The following BAG6 variants were observed in gnomAD, a reference collection of about 807,000 sequenced individuals.
BAG6 encodes the protein large proline-rich protein BAG6.
BAG6 carries 22 observed loss-of-function variants against 121.0 expected under a neutral mutation model. The ratio of observed to expected loss-of-function variants is 0.18; its 90% confidence interval spans 0.13 to 0.26. BAG6 has a LOEUF of 0.26. Ranked by LOEUF, BAG6 falls within the 10% of genes least tolerant of loss-of-function variation. BAG6 has a pLI of 1.00. For missense variants in BAG6, 1,233 were observed against 1,537.7 expected, an observed-to-expected ratio of 0.80 and a Z score of 3.31; for synonymous variants, 583 against 584.6, an observed-to-expected ratio of 1.00 and a Z score of 0.04.
Position 31,639,067 on chromosome 6 carries a change from TA to T in BAG6, c.*63del, listed in dbSNP as rs1779328325. 1 of 1,395,534 alleles carries T rather than the reference TA, an allele frequency of 7.2e-7. No homozygotes were observed. Among genetic ancestry groups the T allele is most frequent in the Non-Finnish European group, 9.9e-7 (1 of 1,006,430 alleles). 86.4% of individuals were successfully genotyped at this position (1,395,534 alleles called of 1,614,324 possible). A position where few individuals can be genotyped will look rare whatever the true frequency, so the allele number is the denominator to read the frequency against. On this transcript the variant is annotated 3_prime_UTR_variant, in exon 26 of 26. Coordinates refer to ENST00000676615, the MANE Select transcript of BAG6 (RefSeq NM_001387994.1). ...CCAGAAAAATCCGACTTTTATTTCTTAAATACTGTGAAGGAAGAGGGGGGAA... is the reference window on the plus strand; with the variant it reads ...CCAGAAAAATCCGACTTTTATTTCTTAATACTGTGAAGGAAGAGGGGGGAA...
Position 31,649,265 on chromosome 6 carries a change from C to G in BAG6, c.357G>C (p.Gly119=). 6.2e-7 allele frequency: 1 copy of G among 1,613,064 alleles called. No individual in the cohort carries two copies. ...HGGGSPPGTR[G]PGASVHDRNA... ...TCCGGTCATGAACAGAGGCCCCAGG[C>G]CCCCGAGTACCAGGGGGGGATCCCC... The change falls in exon 4 of 26, where the codon GGG becomes GGC. Residue 119 remains glycine (G), a synonymous_variant. Coordinates refer to ENST00000676615, the MANE Select transcript of BAG6 (RefSeq NM_001387994.1).
At position 31,642,817 on chromosome 6, in the gene BAG6, C is replaced by A. The variant is rs755630636; in HGVS notation, c.2043+12G>T. On this transcript the variant is annotated intron_variant, in intron 15 of 25. Coordinates refer to ENST00000676615, the MANE Select transcript of BAG6 (RefSeq NM_001387994.1). The stretch of plus-strand genomic sequence containing the variant: ...ACAGGAAGATGAGGTGAATGGCAAG[C>A]CAGCCACTCACCTGCAAGAAGTCAG... 5.0e-6 allele frequency: 8 copies of A among 1,609,356 alleles called. No individual in the cohort carries two copies. Among genetic ancestry groups the A allele is most frequent in the African/African-American group, 1.3e-5 (1 of 74,720 alleles).
At chr6:31,646,228 C>T (rs756263825) in intron 8 of BAG6, among the ~76,000 whole-genome samples, 166 bp downstream of exon 8, 6 of 152,142 alleles carry the variant, frequency 3.9e-5, no homozygotes, top group Non-Finnish European at 7.3e-5. Context: ...TCAGATGATC[C>T]GCCCACCTTG....
chr6:31,652,357 A>ATCCC (rs1798269588), intron 1 of BAG6, 67 bp downstream of exon 1: 1 of 143,070 alleles, frequency 7.0e-6, no homozygotes, highest in African/African-American at 2.8e-5. Context: ...ACACACACAC[A>ATCCC]CACCCACCAC....
Position 31,641,525 on chromosome 6 carries a change from G to C in BAG6, c.2559+14C>G, listed in dbSNP as rs776515660. ...AGACCCAGGAGAGGAAAGGAATAGA[G>C]AAGGGTTACTCACAAAACTCTCCCG... On this transcript the variant is annotated intron_variant, in intron 18 of 25. Transcript: ENST00000676615. The surrounding 1 kb of genome is among the most constrained non-coding windows in gnomAD (Gnocchi z 5.7). 2 of 1,614,138 alleles carry C rather than the reference G, an allele frequency of 1.2e-6. No homozygotes were observed. Among genetic ancestry groups the C allele is most frequent in the Non-Finnish European group, 1.7e-6 (2 of 1,180,000 alleles).
Position 31,645,602 on chromosome 6 carries a change from G to A in BAG6, c.921C>T (p.His307=), listed in dbSNP as rs555713768. 1.8e-4 allele frequency: 286 copies of A among 1,612,860 alleles called. 1 individual carries two copies. Among genetic ancestry groups the A allele is most frequent in the East Asian group, 2.7e-4 (12 of 44,886 alleles). Residue 307 remains histidine, a splice_region_variant and synonymous_variant, in exon 9 of 26, where the codon CAC becomes CAT. Transcript: ENST00000676615. The part of the protein sequence containing the change: ...AAATTDYNNN[H]EGREEDQRLI... The stretch of plus-strand genomic sequence containing the variant: ...ACCGCTGATCCTCCTCCCGGCCCTC[G>A]TGCTGCGCACAACCAGCCAAACACA...
rs773864858 is a variant in BAG6 at position 31,639,180 on chromosome 6, C to G, written c.3440G>C (p.Ser1147Thr). The change falls in exon 26 of 26, where the codon AGT becomes ACT. Residue 1147 changes from serine (S) to threonine (T), a missense_variant. This residue lies in a region of BAG6 where 102 missense variants were observed against 103.2 expected (regional missense o/e 0.99). Transcript: ENST00000676615. ...CTGGGCATTGGGGAAGCGCTGGGGA[C>G]TGTAGTTGGGGTCTTCCTGCAGTCG... is the stretch of plus-strand genomic sequence containing the variant. ...QKRLQEDPNYSPQRFPNAQRA... is the reference protein window; with the variant it reads ...QKRLQEDPNYTPQRFPNAQRA... 6.2e-7 allele frequency: 1 copy of G among 1,613,996 alleles called. No homozygotes were observed. The highest frequency in any genetic ancestry group is 2.2e-5 in the East Asian group (1 of 44,882).
In BAG6 at chr6:31,647,948, T is replaced by C. The variant is rs930265985; in HGVS notation, c.553-122A>G. The C allele has an allele frequency of 6.2e-6, 8 of 1,300,212 alleles. No homozygotes were observed. In the Admixed American group the frequency reaches 1.1e-4, roughly 18 times the overall value. 80.5% of individuals were successfully genotyped at this position (1,300,212 alleles called of 1,614,324 possible). A position where few individuals can be genotyped will look rare whatever the true frequency, so the allele number is the denominator to read the frequency against. On this transcript the variant is annotated intron_variant, in intron 6 of 25. Coordinates refer to ENST00000676615, the MANE Select transcript of BAG6 (RefSeq NM_001387994.1). ...ACTCCCTGAAGGCATGGCTCTGCAA[T>C]TTTATCTCCGACTCGCTAGCAACTA...
In BAG6 at chr6:31,644,816, C is replaced by A; in HGVS notation, c.1369+130G>T. 6.9e-7 allele frequency: 1 copy of A among 1,447,508 alleles called. No individual in the cohort carries two copies. Among genetic ancestry groups the A allele is most frequent in the Admixed American group, 1.9e-5 (1 of 51,746 alleles). The allele number at this position is 1,447,508 out of a possible 1,614,324, so 89.7% of individuals were successfully genotyped here. ...CACCCCCCACATCTGTCTACTTAAG[C>A]TTCTGCTCTGGTCCCCAGGCTACCA... On this transcript the variant is annotated intron_variant, in intron 10 of 25. Transcript: ENST00000676615. The surrounding 1 kb of genome is among the most constrained non-coding windows in gnomAD (Gnocchi z 4.9).
rs1561883872 is a variant in BAG6, at chr6:31,641,243, CAAG to C, written c.2663-18_2663-16del. Reference sequence around the variant, plus strand: ...AAATCCACTATCTGTGGGCAAAATACAAGGAGGGAATGCTGGCACGTGGCAGCC... The same window carrying C: ...AAATCCACTATCTGTGGGCAAAATACGAGGGAATGCTGGCACGTGGCAGCC... On this transcript the variant is annotated splice_polypyrimidine_tract_variant and intron_variant, in intron 19 of 25. Transcript: ENST00000676615. This position sits in a 1 kb window ranked among gnomAD's most constrained non-coding sequence, Gnocchi z 5.7. 4 of 1,614,028 alleles carry C rather than the reference CAAG, an allele frequency of 2.5e-6. No homozygotes were observed. Among genetic ancestry groups the C allele is most frequent in the Admixed American group, 3.3e-5 (2 of 60,008 alleles).
intron 8 of BAG6, among the ~76,000 whole-genome samples, chr6:31,646,184 C>T (rs192192407): frequency 6.6e-6 from 1 of 152,272 alleles, no homozygotes; most frequent in African/African-American, 2.4e-5. Context: ...TGGGGTTGCA[C>T]CATGTTGGCC....
At chr6:31,639,359 T>C in intron 25 of BAG6, 133 bp from the exon 26 acceptor site, 1 of 1,462,492 alleles carries the variant, frequency 6.8e-7, no homozygotes, top group Non-Finnish European at 9.4e-7. Flanking sequence ...GGGGTGGCAC[T>C]GTCAAGCCTT....
intron 15 of BAG6, 188 bp downstream of exon 15, chr6:31,642,637 ACTTT>A: frequency 1.3e-6 from 1 of 741,436 alleles, no homozygotes; most frequent in Non-Finnish European, 2.2e-6. Flanking sequence ...TAATTACTAT[ACTTT>A]CTTTTTCTAA....
rs1293120287 is a variant in BAG6, at chr6:31,649,575, G to C, written c.161C>G (p.Ser54Cys). 1 of 1,614,056 alleles carries C rather than the reference G, an allele frequency of 6.2e-7. No homozygotes were observed. The highest frequency in any genetic ancestry group is 8.5e-7 in the Non-Finnish European group (1 of 1,180,042). ...EHIAASVSIP[S>C]EKQRLIYQGR... is the part of the protein sequence containing the mutation. ...CTGGTAAATGAGCCGTTGTTTTTCA[G>C]ATGGGATGCTGACAGAGGCAGCAAT... The change falls in exon 3 of 26, where the codon TCT becomes TGT. Residue 54 changes from serine (S) to cysteine (C), a missense_variant. Physicochemically the swap from Ser to Cys is moderately radical, Grantham distance 112. Around this residue, in one of 7 missense-constraint regions of BAG6, gnomAD observed 6 missense variants for 24.8 expected, o/e 0.24. Coordinates refer to ENST00000676615, the MANE Select transcript of BAG6 (RefSeq NM_001387994.1).
intron 6 of BAG6, among the ~76,000 whole-genome samples, chr6:31,648,092 T>C (rs917269168): frequency 1.3e-5 from 2 of 151,512 alleles, no homozygotes; most frequent in Non-Finnish European, 2.9e-5. Context: ...CTCAGCTCAC[T>C]GTAACCTCCG....
Position 31,645,194 on chromosome 6 carries a change from T to A in BAG6, c.1121A>T (p.Asn374Ile). The change falls in exon 10 of 26, where the codon AAT (asparagine) becomes ATT (isoleucine). Residue 374 changes from asparagine to isoleucine, a missense_variant. Physicochemically the swap from Asn to Ile is moderately radical, Grantham distance 149. This residue lies in a region of BAG6 where 777 missense variants were observed against 861.4 expected (regional missense o/e 0.90). Coordinates refer to ENST00000676615, the MANE Select transcript of BAG6 (RefSeq NM_001387994.1). The part of the protein sequence containing the change: ...LQQAAIPIQI[N>I]VGTTVTMTGN... ...TGTCATGGTCACAGTGGTTCCCACA[T>A]TGATCTGAAAAAGACAGATGGACAG... 1.2e-6 allele frequency: 2 copies of A among 1,609,006 alleles called. No individual in the cohort carries two copies. The highest frequency in any genetic ancestry group is 1.7e-6 in the Non-Finnish European group (2 of 1,178,064).
chr6:31,647,636 G>A lies in BAG6; in HGVS notation c.743C>T (p.Pro248Leu), dbSNP rs1377547194. The A allele has an allele frequency of 2.5e-6, 4 of 1,605,454 alleles. No homozygotes were observed. In the African/African-American group the frequency reaches 4.0e-5, roughly 16 times the overall value. The change falls in exon 7 of 26, where the codon CCA becomes CTA. Residue 248 changes from proline (P) to leucine (L), a missense_variant. Pro to Leu is a moderately conservative substitution (Grantham distance 98, BLOSUM62 -3). Around this residue, in one of 7 missense-constraint regions of BAG6, gnomAD observed 777 missense variants for 861.4 expected, o/e 0.90. Coordinates refer to ENST00000676615, the MANE Select transcript of BAG6 (RefSeq NM_001387994.1). ...GGCAGGTGTTGGGCCCGCTGGGGCT[G>A]GGCCAGGAGTGAGCTCCGGGTTCTG... is the stretch of plus-strand genomic sequence containing the variant. ...PAQNPELTPG[P>L]APAGPTPAPE...
rs775865901 is a variant in BAG6 at position 31,641,148 on chromosome 6, C to T, written c.2743G>A (p.Gly915Arg). ...ECLALNLHCL[G>R]GQQMELAAVI... ...GCAGCAAGCTCCATCTGCTGTCCCC[C>T]CAAGCAGTGCAGGTTTAGGGCCAGG... The change falls in exon 20 of 26, where the codon GGG becomes AGG. Residue 915 changes from glycine to arginine, a missense_variant. Around this residue, in one of 7 missense-constraint regions of BAG6, gnomAD observed 288 missense variants for 483.1 expected, o/e 0.60. Transcript: ENST00000676615. This position sits in a 1 kb window ranked among gnomAD's most constrained non-coding sequence, Gnocchi z 5.7. 1.9e-6 allele frequency: 3 copies of T among 1,613,226 alleles called. No individual in the cohort carries two copies. The highest frequency in any genetic ancestry group is 2.7e-5 in the African/African-American group (2 of 74,902).
rs186650437 is a variant in BAG6 at position 31,645,147 on chromosome 6, G to A, written c.1168C>T (p.Pro390Ser). The part of the protein sequence containing the change: ...TMTGNGTRPP[P>S]TPNAEAPPPG... ...GGAGGTGCCTCTGCATTGGGAGTTG[G>A]GGGGGGCCGAGTCCCATTTCCTGTC... Residue 390 changes from proline to serine, a missense_variant, in exon 10 of 26, where the codon CCA becomes TCA. Physicochemically the swap from Pro to Ser is moderately conservative, Grantham distance 74. This residue lies in a region of BAG6 where 777 missense variants were observed against 861.4 expected (regional missense o/e 0.90). Transcript: ENST00000676615. The A allele has an allele frequency of 5.0e-6, 8 of 1,612,898 alleles. No individual in the cohort carries two copies. In the African/African-American group the frequency reaches 9.3e-5, roughly 19 times the overall value.
Sources: allele counts gnomAD v4.1 joint callset (sites outside exome capture counted in the v4.1 genomes callset), GRCh38; gene constraint gnomAD v4.1.1; regional missense constraint gnomAD v4.1.1; non-coding constraint Gnocchi (gnomAD v3.1); transcripts MANE v1.5; gene names NCBI Gene and HGNC (gene_info 2026-07-23, HGNC 2026-07-21).